MUC17: variants seen among roughly 807,000 people sequenced by gnomAD.
The protein encoded by MUC17 is mucin-17.
A neutral mutation model predicts 170.3 loss-of-function variants in MUC17; 190 were observed. The ratio of observed to expected loss-of-function variants is 1.12; its 90% CI spans 0.99 to 1.26. MUC17 has a LOEUF of 1.26. Ranked by LOEUF, MUC17 falls within the 50% of genes most tolerant of loss-of-function variation. The pLI, the probability that MUC17 is intolerant of heterozygous loss-of-function variation, is 0.00. For missense variants in MUC17, 6,415 were observed against 5,530.0 expected (o/e 1.16, Z -5.08); for synonymous variants, 2,325 against 2,002.5 (o/e 1.16, Z -4.30).
At position 101,035,711 on chromosome 7, in the gene MUC17, A is replaced by G; in HGVS notation, c.4295A>G (p.Glu1432Gly). The change falls in exon 3 of 13, where the codon GAA becomes GGA. Residue 1432 changes from glutamate (E) to glycine (G), a missense_variant. Coordinates refer to ENST00000306151, the MANE Select transcript of MUC17 (RefSeq NM_001040105.2). ...AGCACCCCTGGGACCACTTCTGCTG[A>G]AGCCACTTCATCTCCTACAACTGCT... is the stretch of plus-strand genomic sequence containing the variant. Reference protein sequence around the residue: ...DTSTPGTTSAEATSSPTTAEG... With the variant: ...DTSTPGTTSAGATSSPTTAEG... The G allele has an allele frequency of 1.2e-6, 2 of 1,608,250 alleles. No individual in the cohort carries two copies. The highest frequency in any genetic ancestry group is 1.7e-6 in the Non-Finnish European group (2 of 1,176,756).
Position 101,034,706 on chromosome 7 carries a change from G to C in MUC17, c.3290G>C (p.Ser1097Thr), listed in dbSNP as rs371466488. Residue 1097 changes from serine (S) to threonine (T), a missense_variant, in exon 3 of 13, where the codon AGT becomes ACT. Physicochemically the swap from Ser to Thr is moderately conservative, Grantham distance 58. Transcript: ENST00000306151. ...DGTSMPTSTYSEGSTPLTSVP... is the reference protein window; with the variant it reads ...DGTSMPTSTYTEGSTPLTSVP... ...ACCAGCATGCCAACCTCAACTTATA[G>C]TGAAGGAAGCACTCCACTAACAAGT... 4 of 1,606,734 alleles carry C rather than the reference G, an allele frequency of 2.5e-6. No homozygotes were observed. The highest frequency in any genetic ancestry group is 2.6e-6 in the Non-Finnish European group (3 of 1,175,782).
Position 101,040,094 on chromosome 7 carries a change from C to T in MUC17, c.8678C>T (p.Pro2893Leu). The T allele has an allele frequency of 6.2e-7, 1 of 1,613,082 alleles. No individual in the cohort carries two copies. The highest frequency in any genetic ancestry group is 8.5e-7 in the Non-Finnish European group (1 of 1,179,564). Residue 2893 changes from proline to leucine, a missense_variant, in exon 3 of 13, where the codon CCT becomes CTT. Physicochemically the swap from Pro to Leu is moderately conservative, Grantham distance 98 (BLOSUM62 -3). Coordinates refer to ENST00000306151, the MANE Select transcript of MUC17 (RefSeq NM_001040105.2). Reference sequence around the variant, plus strand: ...GAGGCTAGCACCCTTTCAACAACTCCTGTTGATACCAGCATACCTGTCACC... The same window carrying T: ...GAGGCTAGCACCCTTTCAACAACTCTTGTTGATACCAGCATACCTGTCACC... ...SSEASTLSTTPVDTSIPVTTS... is the reference protein window; with the variant it reads ...SSEASTLSTTLVDTSIPVTTS...
intron 7 of MUC17, among the ~76,000 whole-genome samples, chr7:101,051,256 T>G (rs146421001): frequency 0.012 from 1,850 of 150,238 alleles, 35 homozygotes; most frequent in African/African-American, 0.044. Context: ...TTCTAGCTAC[T>G]TGGGAGGCTG....
chr7:101,049,364 T>C lies in MUC17; in HGVS notation c.12704T>C (p.Val4235Ala). ...VYSGIPEYVG[V>A]NITKLRLGSV... ...TCCGGGATCCCTGAGTATGTCGGGGTGAACATCACAAAGCTACGGTAAGTG... is the reference window on the plus strand; with the variant it reads ...TCCGGGATCCCTGAGTATGTCGGGGCGAACATCACAAAGCTACGGTAAGTG... Residue 4235 changes from valine to alanine, a missense_variant, in exon 6 of 13, where the codon GTG becomes GCG. Coordinates refer to ENST00000306151, the MANE Select transcript of MUC17 (RefSeq NM_001040105.2). The C allele has an allele frequency of 1.2e-6, 2 of 1,613,178 alleles. No homozygotes were observed. Among genetic ancestry groups the C allele is most frequent in the Non-Finnish European group, 1.7e-6 (2 of 1,179,652 alleles).
In MUC17 at chr7:101,042,645, G is replaced by A. The variant is rs1188066252; in HGVS notation, c.11229G>A (p.Met3743Ile). The A allele has an allele frequency of 1.2e-6, 2 of 1,614,030 alleles. No homozygotes were observed. Among genetic ancestry groups the A allele is most frequent in the Non-Finnish European group, 1.7e-6 (2 of 1,180,028 alleles). Reference sequence around the variant, plus strand: ...CTGCAACTCTTGACAGCACCACCATGTCTGTGTCAATGCCCATGGAAATAA... The same window carrying A: ...CTGCAACTCTTGACAGCACCACCATATCTGTGTCAATGCCCATGGAAATAA... Reference protein sequence around the residue: ...SSSATLDSTTMSVSMPMEIST... With the variant: ...SSSATLDSTTISVSMPMEIST... The change falls in exon 3 of 13, where the codon ATG becomes ATA. Residue 3743 changes from methionine (M) to isoleucine (I), a missense_variant. By Grantham distance (10) the Met-to-Ile change is conservative. Coordinates refer to ENST00000306151, the MANE Select transcript of MUC17 (RefSeq NM_001040105.2).
chr7:101,030,115 C>T (rs916343523), intron 1 of MUC17, among the ~76,000 whole-genome samples: 1 of 152,092 alleles, frequency 6.6e-6, no homozygotes, highest in African/African-American at 2.4e-5. Context: ...TGTGTTGAAC[C>T]TTAAGTTCTC....
At chr7:101,046,802 C>T (rs1367681924) in intron 3 of MUC17, among the ~76,000 whole-genome samples, 2 of 151,728 alleles carry the variant, frequency 1.3e-5, no homozygotes, top group Non-Finnish European at 2.9e-5. Flanking sequence ...ATAAAATGCC[C>T]GGCACAGTGG....
chr7:101,049,116 C>G (rs10227169), intron 5 of MUC17, 144 bp downstream of exon 5: 267,433 of 1,421,718 alleles, frequency 0.19, 27,570 homozygotes, highest in Non-Finnish European at 0.21. Flanking sequence ...CTTGCCAGTG[C>G]AGGAGGGAAG....
At position 101,042,614 on chromosome 7, in the gene MUC17, C is replaced by T; in HGVS notation, c.11198C>T (p.Ser3733Leu). 6.2e-6 allele frequency: 10 copies of T among 1,614,148 alleles called. No individual in the cohort carries two copies. The highest frequency in any genetic ancestry group is 1.3e-5 in the African/African-American group (1 of 75,070). ...TPVTTSTEAI[S>L]SSATLDSTTM... Reference sequence around the variant, plus strand: ...GTGACCACTTCTACTGAAGCCATTTCATCTTCTGCAACTCTTGACAGCACC... The same window carrying T: ...GTGACCACTTCTACTGAAGCCATTTTATCTTCTGCAACTCTTGACAGCACC... Residue 3733 changes from serine (S) to leucine (L), a missense_variant, in exon 3 of 13, where the codon TCA (serine) becomes TTA (leucine). Coordinates refer to ENST00000306151, the MANE Select transcript of MUC17 (RefSeq NM_001040105.2).
intron 1 of MUC17, among the ~76,000 whole-genome samples, chr7:101,029,245 A>G (rs903528193): frequency 5.3e-5 from 8 of 151,400 alleles, no homozygotes; most frequent in Admixed American, 3.9e-4. Context: ...AATCCCAGCT[A>G]CTCAGGAGGC....
Position 101,041,109 on chromosome 7 carries a change from C to T in MUC17, c.9693C>T (p.Asn3231=), listed in dbSNP as rs752781882. ...MTPLTSVPVS[N]TPVASSEASI... ...CATTAACTAGTGTACCTGTCAGCAACACGCCGGTGGCCAGTTCTGAGGCTA... is the reference window on the plus strand; with the variant it reads ...CATTAACTAGTGTACCTGTCAGCAATACGCCGGTGGCCAGTTCTGAGGCTA... The change falls in exon 3 of 13, where the codon AAC becomes AAT. Residue 3231 remains asparagine (N), a synonymous_variant. Transcript: ENST00000306151. 1.9e-5 allele frequency: 31 copies of T among 1,613,706 alleles called. No homozygotes were observed. The highest frequency in any genetic ancestry group is 2.5e-5 in the Non-Finnish European group (30 of 1,179,932).
At chr7:101,053,671 A>G (rs1178377293) in intron 11 of MUC17, 16 of 403,552 alleles carry the variant, frequency 4.0e-5, no homozygotes. Flanking sequence ...TGAGGTCAGG[A>G]GTTTGAGACC....
chr7:101,035,829 G>A lies in MUC17; in HGVS notation c.4413G>A (p.Glu1471=). ...PVSNTPVANS[E]ASTLSTTPVD... Reference sequence around the variant, plus strand: ...GCAACACGCCGGTGGCCAATTCTGAGGCTAGCACCCTTTCAACAACTCCTG... The same window carrying A: ...GCAACACGCCGGTGGCCAATTCTGAAGCTAGCACCCTTTCAACAACTCCTG... The change falls in exon 3 of 13, where the codon GAG becomes GAA. Residue 1471 remains glutamate (E), a synonymous_variant. Coordinates refer to ENST00000306151, the MANE Select transcript of MUC17 (RefSeq NM_001040105.2). The A allele has an allele frequency of 6.2e-7, 1 of 1,600,322 alleles. No individual in the cohort carries two copies. The highest frequency in any genetic ancestry group is 2.2e-5 in the East Asian group (1 of 44,644).
At position 101,037,376 on chromosome 7, in the gene MUC17, T is replaced by G; in HGVS notation, c.5960T>G (p.Leu1987Arg). The change falls in exon 3 of 13, where the codon CTA (leucine) becomes CGA (arginine). Residue 1987 changes from leucine (L) to arginine (R), a missense_variant. Transcript: ENST00000306151. ...TPAYSEGSTP[L>R]TSMPLSTTLV... Reference sequence around the variant, plus strand: ...GCTTATAGTGAAGGAAGCACTCCACTAACAAGTATGCCTCTCAGCACCACG... The same window carrying G: ...GCTTATAGTGAAGGAAGCACTCCACGAACAAGTATGCCTCTCAGCACCACG... The G allele has an allele frequency of 6.2e-7, 1 of 1,614,044 alleles. No homozygotes were observed.
Position 101,051,853 on chromosome 7 carries a change from T to A in MUC17, c.12994T>A (p.Tyr4332Asn), listed in dbSNP as rs1156448036. 6.2e-7 allele frequency: 1 copy of A among 1,614,086 alleles called. No homozygotes were observed. The highest frequency in any genetic ancestry group is 8.5e-7 in the Non-Finnish European group (1 of 1,179,990). ...KEYGDYFVVEYRDQKPYCISP... is the reference protein window; with the variant it reads ...KEYGDYFVVENRDQKPYCISP... The stretch of plus-strand genomic sequence containing the variant: ...ATATGGAGACTACTTCGTAGTGGAG[T>A]ACCGGGACCAGAAGCCATACTGCAT... Residue 4332 changes from tyrosine (Y) to asparagine (N), a missense_variant, in exon 9 of 13, where the codon TAC becomes AAC. Coordinates refer to ENST00000306151, the MANE Select transcript of MUC17 (RefSeq NM_001040105.2).
rs879747066 is a variant in MUC17 at position 101,040,827 on chromosome 7, C to A, written c.9411C>A (p.Thr3137=). Residue 3137 remains threonine (T), a synonymous_variant, in exon 3 of 13, where the codon ACC becomes ACA. Coordinates refer to ENST00000306151, the MANE Select transcript of MUC17 (RefSeq NM_001040105.2). ...CTGTTGACACCAGCACACCTGTGAC[C>A]ACTTCTACTGAAGCCCATTCATCTC... is the stretch of plus-strand genomic sequence containing the variant. ...TTPVDTSTPV[T]TSTEAHSSPT... 1 of 1,613,784 alleles carries A rather than the reference C, an allele frequency of 6.2e-7. No homozygotes were observed. Among genetic ancestry groups the A allele is most frequent in the Non-Finnish European group, 8.5e-7 (1 of 1,179,868 alleles).
rs1794419545 is a variant in MUC17 at position 101,035,032 on chromosome 7, G to A, written c.3616G>A (p.Val1206Ile). The A allele has an allele frequency of 1.9e-6, 3 of 1,614,088 alleles. No homozygotes were observed. The highest frequency in any genetic ancestry group is 2.5e-6 in the Non-Finnish European group (3 of 1,180,016). The change falls in exon 3 of 13, where the codon GTT becomes ATT. Residue 1206 changes from valine to isoleucine, a missense_variant. Val to Ile is a conservative substitution (Grantham distance 29). Coordinates refer to ENST00000306151, the MANE Select transcript of MUC17 (RefSeq NM_001040105.2). The part of the protein sequence containing the change: ...EASSPPPTAE[V>I]TSMPTSTPGE... ...CAGTTCACCTCCTCCAACTGCTGAA[G>A]TTACCAGCATGCCAACCTCAACTCC...
Position 101,034,207 on chromosome 7 carries a change from G to C in MUC17, c.2791G>C (p.Asp931His), listed in dbSNP as rs1332509744. Residue 931 changes from aspartate (D) to histidine (H), a missense_variant, in exon 3 of 13, where the codon GAC becomes CAC. By Grantham distance (81) the Asp-to-His change is moderately conservative. Transcript: ENST00000306151. ...AAGCACTCCATTAACAAGTATGCCT[G>C]ACAGCACCACGCCGGTAGTCAGTTC... ...EGSTPLTSMP[D>H]STTPVVSSEA... 16 of 1,600,324 alleles carry C rather than the reference G, an allele frequency of 1.0e-5. No homozygotes were observed. Among genetic ancestry groups the C allele is most frequent in the Non-Finnish European group, 1.4e-5 (16 of 1,173,220 alleles).
rs759250012 is a variant in MUC17 at position 101,031,591 on chromosome 7, T to TCTTAAACA, written c.185-9_185-2dup. ...AACTTCTAAACAAAATATCATTGTA[T>TCTTAAACA]CTTAAACAGGTTCTGCGGCAAACAC... On this transcript the variant is annotated splice_polypyrimidine_tract_variant and intron_variant, in intron 2 of 12. Transcript: ENST00000306151. 1.3e-6 allele frequency: 2 copies of TCTTAAACA among 1,523,728 alleles called. No individual in the cohort carries two copies. The highest frequency in any genetic ancestry group is 2.7e-5 in the South Asian group (2 of 75,056). The allele number at this position is 1,523,728 out of a possible 1,614,324, so 94.4% of individuals were successfully genotyped here. A position where few individuals can be genotyped will look rare whatever the true frequency, so the allele number is the denominator to read the frequency against.
Sources: allele counts gnomAD v4.1 joint callset (sites outside exome capture counted in the v4.1 genomes callset), GRCh38; gene constraint gnomAD v4.1.1; transcripts MANE v1.5; gene names NCBI Gene and HGNC (gene_info 2026-07-23, HGNC 2026-07-21).